ARHGEF3: variants seen among roughly 807,000 people sequenced by gnomAD.
ARHGEF3 encodes the protein 59.8 kDA protein.
In ARHGEF3, 28 loss-of-function variants were observed where a neutral mutation model predicts 63.2. The ratio of observed to expected loss-of-function variants is 0.44; its 90% CI spans 0.33 to 0.61. The LOEUF is 0.61. Among genes scored for constraint, ARHGEF3 ranks in the 20% least tolerant of loss-of-function variants. The pLI is 0.03. For synonymous variants in ARHGEF3, 266 were observed against 254.2 expected (o/e 1.05, Z -0.44); for missense variants, 533 against 659.3 (o/e 0.81, Z 2.10).
intron 7 of ARHGEF3, among the ~76,000 whole-genome samples, 176 bp from the exon 8 acceptor site, chr3:56,737,531 A>G (rs543806662): frequency 1.3e-5 from 2 of 152,210 alleles, no homozygotes; most frequent in South Asian, 2.1e-4. Flanking sequence ...AGCATACTGC[A>G]TCTATCTATC....
At chr3:57,043,350 C>T (rs1704309113) in intron 1 of ARHGEF3, among the ~76,000 whole-genome samples, 1 of 151,940 alleles carries the variant, frequency 6.6e-6, no homozygotes, top group Admixed American at 6.6e-5. Context: ...CTCCTGACCT[C>T]GTGATCCTCC....
intron 4 of ARHGEF3, among the ~76,000 whole-genome samples, chr3:56,866,743 C>T (rs938999192): frequency 1.1e-4 from 16 of 152,210 alleles, no homozygotes; most frequent in Non-Finnish European, 2.1e-4. Context: ...AAGCATCTTT[C>T]ATTCTGTAAC....
chr3:56,898,596 TGTAA>T (rs770444625), intron 3 of ARHGEF3: 6 of 278,324 alleles, frequency 2.2e-5, no homozygotes, highest in Non-Finnish European at 4.0e-5. Flanking sequence ...GGAGCAAAGA[TGTAA>T]GTATCAGCTG....
chr3:57,056,402 AAG>A, intron 1 of ARHGEF3, among the ~76,000 whole-genome samples: 1 of 150,766 alleles, frequency 6.6e-6, no homozygotes, highest in South Asian at 2.1e-4. Flanking sequence ...AAAAAAAAAA[AAG>A]AAGCAGAGCA....
intron 1 of ARHGEF3, chr3:56,775,107 C>T: frequency 6.5e-7 from 1 of 1,550,234 alleles, no homozygotes; most frequent in Non-Finnish European, 8.7e-7. Flanking sequence ...TGGCAAACCT[C>T]AATCATTTCC....
Position 56,818,209 on chromosome 3 carries a change from T to C in ARHGEF3, c.193-44393A>G, listed in dbSNP as rs147232753. Among the ~76,000 whole-genome samples the C allele has an allele frequency of 1.1e-3, 163 of 152,306 alleles. 5 individuals carry two copies. The East Asian group carries it at 0.03, about 28-fold the overall frequency. ...AACTGGGTGACCCTCAGTTCCCTTC[T>C]ATCTTGAAAATTCTGAAACTCTACT... is the stretch of plus-strand genomic sequence containing the variant. On this transcript the variant is annotated intron_variant, in intron 4 of 12. Coordinates refer to the ARHGEF3 transcript ENST00000338458.
chr3:57,026,652 C>T (rs540995355), intron 2 of ARHGEF3, among the ~76,000 whole-genome samples: 41 of 152,248 alleles, frequency 2.7e-4, no homozygotes, highest in African/African-American at 8.4e-4. Flanking sequence ...TGGACAGGGC[C>T]GGGGGAGCAT....
In ARHGEF3 at chr3:56,927,241, T is replaced by C. The variant is rs114087765; in HGVS notation, c.129+31582A>G. 9.0e-3 allele frequency among the ~76,000 whole-genome samples: 1,378 copies of C among 152,334 alleles called. 20 individuals are homozygous for C. Among genetic ancestry groups the C allele is most frequent in the African/African-American group, 0.032 (1,312 of 41,572 alleles). ...AATCAAATAAGTCAAATATGTATCA[T>C]TGAGCATAGTGCCTGGCACATAGTA... On this transcript the variant is annotated intron_variant, in intron 3 of 12. Transcript: ENST00000338458.
At chr3:56,738,004 G>T (rs1478820082) in intron 7 of ARHGEF3, among the ~76,000 whole-genome samples, 1 of 152,064 alleles carries the variant, frequency 6.6e-6, no homozygotes, top group Non-Finnish European at 1.5e-5. Context: ...AAGTAGCTGG[G>T]ATTACAGGTG....
Position 56,746,493 on chromosome 3 carries a change from A to G in ARHGEF3, c.613-1031T>C, listed in dbSNP as rs1189956586. Among the ~76,000 whole-genome samples the G allele has an allele frequency of 4.6e-5, 7 of 152,196 alleles. No homozygotes were observed. The East Asian group carries it at 1.3e-3, about 29-fold the overall frequency. On this transcript the variant is annotated intron_variant, in intron 6 of 9. Transcript: ENST00000296315. ...GTGCCTGTAATCCCAGCACATTGGGAAGCCGGGGCAGGCGGATCACGAGGT... is the reference window on the plus strand; with the variant it reads ...GTGCCTGTAATCCCAGCACATTGGGGAGCCGGGGCAGGCGGATCACGAGGT...
intron 3 of ARHGEF3, among the ~76,000 whole-genome samples, chr3:56,931,768 A>C (rs181550044): frequency 5.5e-4 from 84 of 152,268 alleles, no homozygotes; most frequent in African/African-American, 1.9e-3. Flanking sequence ...AGAACTCATA[A>C]AAATAATGTG....
At chr3:57,057,153 T>C (rs1704979066) in intron 1 of ARHGEF3, among the ~76,000 whole-genome samples, 1 of 152,118 alleles carries the variant, frequency 6.6e-6, no homozygotes, top group South Asian at 2.1e-4. Flanking sequence ...ACTTTGTTGC[T>C]CAGGCTGGGG....
intron 2 of ARHGEF3, among the ~76,000 whole-genome samples, chr3:57,009,650 G>A (rs1346305693): frequency 1.3e-5 from 2 of 152,132 alleles, no homozygotes; most frequent in African/African-American, 4.8e-5. Context: ...AAATGAGAGT[G>A]CGTGGAGAAG....
chr3:56,843,302 C>T (rs1253955068), intron 4 of ARHGEF3, among the ~76,000 whole-genome samples: 2 of 152,144 alleles, frequency 1.3e-5, no homozygotes, highest in Non-Finnish European at 2.9e-5. Context: ...CTCTGTCTCC[C>T]AGGCTAGAGT....
intron 4 of ARHGEF3, among the ~76,000 whole-genome samples, chr3:56,881,959 G>C (rs1483200910): frequency 6.6e-6 from 1 of 152,212 alleles, no homozygotes; most frequent in Non-Finnish European, 1.5e-5. Flanking sequence ...CCCCCAAAGG[G>C]GGACAAACAT....
chr3:56,848,222 G>C (rs1159470647), intron 4 of ARHGEF3, among the ~76,000 whole-genome samples: 1 of 152,090 alleles, frequency 6.6e-6, no homozygotes, highest in Non-Finnish European at 1.5e-5. Context: ...AAAGAATAAT[G>C]GTAAACTATG....
chr3:56,773,235 C>A (rs940913657), intron 2 of ARHGEF3, among the ~76,000 whole-genome samples: 27 of 152,050 alleles, frequency 1.8e-4, no homozygotes, highest in African/African-American at 6.0e-4. Context: ...CGAAACAGCA[C>A]CATTCTTTTG....
intron 2 of ARHGEF3, among the ~76,000 whole-genome samples, chr3:56,979,535 C>G (rs149964477): frequency 6.6e-6 from 1 of 152,242 alleles, no homozygotes; most frequent in African/African-American, 2.4e-5. Flanking sequence ...AGAGACAAGG[C>G]ACAGGCCCAG....
rs1560116656 is a variant in ARHGEF3 at position 56,995,668 on chromosome 3, A to AGAGAGAGAGAGG, written c.63-36780_63-36779insCCTCTCTCTCTC. ...GAGAGAGAGAGAGAGAGAGAGAGAG[A>AGAGAGAGAGAGG]GAGAATTTTTTTTAACCTGGTCTCA... is the stretch of plus-strand genomic sequence containing the variant. On this transcript the variant is annotated intron_variant, in intron 2 of 12. Transcript: ENST00000338458. Among the ~76,000 whole-genome samples the AGAGAGAGAGAGG allele has an allele frequency of 7.6e-4, 101 of 133,196 alleles. 2 individuals carry two copies. Among genetic ancestry groups the AGAGAGAGAGAGG allele is most frequent in the Non-Finnish European group, 1.3e-3 (77 of 60,014 alleles). 87.4% of individuals were successfully genotyped at this position (133,196 alleles called of 152,430 possible). A position where few individuals can be genotyped will look rare whatever the true frequency, so the allele number is the denominator to read the frequency against.
Sources: allele counts gnomAD v4.1 joint callset (sites outside exome capture counted in the v4.1 genomes callset), GRCh38; gene constraint gnomAD v4.1.1; transcripts MANE v1.5; gene names NCBI Gene and HGNC (gene_info 2026-07-23, HGNC 2026-07-21).